THSD7B: variants seen among roughly 807,000 people sequenced by gnomAD.
The protein encoded by THSD7B is thrombospondin type 1 domain containing 7B, also known as thrombospondin type-1 domain-containing protein 7B.
THSD7B carries 138 observed loss-of-function variants against 213.6 expected under a neutral mutation model. The observed-to-expected ratio is 0.65, with a 90% CI of 0.56 to 0.74. The LOEUF (loss-of-function observed/expected upper bound fraction) is 0.74. Among genes scored for constraint, THSD7B ranks in the 30% least tolerant of loss-of-function variants. THSD7B has a pLI of 0.00. For missense variants in THSD7B, 1,931 were observed against 1,991.5 expected (o/e 0.97, Z 0.58); for synonymous variants, 742 against 687.0 (o/e 1.08, Z -1.25).
intron 1 of THSD7B, among the ~76,000 whole-genome samples, chr2:136,834,370 G>A (rs76746626): frequency 0.016 from 2,419 of 152,276 alleles, 59 homozygotes; most frequent in African/African-American, 0.055. Flanking sequence ...GCTGACAGAC[G>A]TTGCTGTAAT....
At chr2:137,074,758 G>A (rs907807985) in intron 3 of THSD7B, among the ~76,000 whole-genome samples, 3 of 152,140 alleles carry the variant, frequency 2.0e-5, no homozygotes, top group African/African-American at 4.8e-5. Context: ...GCTTCCTTCA[G>A]GAGCTCTTTT....
chr2:137,305,850 A>G (rs1251088045), intron 12 of THSD7B, among the ~76,000 whole-genome samples: 3 of 152,136 alleles, frequency 2.0e-5, no homozygotes, highest in South Asian at 2.1e-4. Context: ...ATAGCCTACT[A>G]TACACCTAAG....
intron 12 of THSD7B, among the ~76,000 whole-genome samples, chr2:137,337,854 A>G (rs1235073483): frequency 6.6e-6 from 1 of 152,028 alleles, no homozygotes; most frequent in African/African-American, 2.4e-5. Flanking sequence ...TACTATCATT[A>G]TGTTGTTGCT....
intron 2 of THSD7B, among the ~76,000 whole-genome samples, chr2:137,018,930 T>C (rs568764706): frequency 6.6e-6 from 1 of 152,286 alleles, no homozygotes; most frequent in Non-Finnish European, 1.5e-5. Context: ...TGTTTGTTTG[T>C]TTTTACTGTT....
chr2:137,542,564 A>G (rs1484707677), intron 15 of THSD7B, among the ~76,000 whole-genome samples: 1 of 151,654 alleles, frequency 6.6e-6, no homozygotes, highest in Non-Finnish European at 1.5e-5. Flanking sequence ...AGTATCGAAC[A>G]CTCTACCTAG....
chr2:137,538,451 T>C lies in THSD7B; in HGVS notation c.3139-24770T>C, dbSNP rs140960593. On this transcript the variant is annotated intron_variant, in intron 15 of 27. Coordinates refer to ENST00000409968, the MANE Select transcript of THSD7B (RefSeq NM_001316349.2). ...ATGCATATATAATTTTCTTTCCCTT[T>C]TGCTTATCATGCACTGCTAACATGG... is the stretch of plus-strand genomic sequence containing the variant. 1.2e-5 allele frequency: 6 copies of C among 506,742 alleles called. No homozygotes were observed. The East Asian group carries it at 3.4e-4, about 28-fold the overall frequency. The allele number at this position is 506,742 out of a possible 1,614,324, so 31.4% of individuals were successfully genotyped here. A position where few individuals can be genotyped will look rare whatever the true frequency, so the allele number is the denominator to read the frequency against.
rs148800840 is a variant in THSD7B at position 136,929,178 on chromosome 2, C to T, written c.139+46861C>T. On this transcript the variant is annotated intron_variant, in intron 2 of 27. Transcript: ENST00000409968. ...CCTTTATGAAATGTGTGGGATTGCC[C>T]GTTTGCTCTGTTTCTTGTAGATTAA... is the stretch of plus-strand genomic sequence containing the variant. Among the ~76,000 whole-genome samples the T allele has an allele frequency of 5.8e-4, 89 of 152,242 alleles. 1 individual carries two copies. In the East Asian group the frequency reaches 0.015, roughly 26 times the overall value.
At chr2:136,955,077 G>T (rs76758682) in intron 2 of THSD7B, among the ~76,000 whole-genome samples, 4,553 of 152,232 alleles carry the variant, frequency 0.03, 106 homozygotes, top group South Asian at 0.073. Context: ...AGACTAGATT[G>T]GAGGGTTAGG....
intron 2 of THSD7B, among the ~76,000 whole-genome samples, chr2:137,041,889 A>G (rs1241157454): frequency 6.6e-6 from 1 of 152,204 alleles, no homozygotes; most frequent in Non-Finnish European, 1.5e-5. Context: ...AGCACAAGGT[A>G]TGTTTGAAAG....
At position 137,616,184 on chromosome 2, in the gene THSD7B, C is replaced by T; in HGVS notation, c.3433C>T (p.Pro1145Ser). ...LWSKCPQSCD[P>S]HTMQRRTRHL... ...ACTCTGATTTTAATAGTCATGCGAT[C>T]CCCACACAATGCAGAGAAGAACTCG... The change falls in exon 18 of 28, where the codon CCC becomes TCC. Residue 1145 changes from proline to serine, a missense_variant. By Grantham distance (74) the Pro-to-Ser change is moderately conservative. Coordinates refer to ENST00000409968, the MANE Select transcript of THSD7B (RefSeq NM_001316349.2). The T allele has an allele frequency of 6.2e-7, 1 of 1,612,230 alleles. No individual in the cohort carries two copies. The highest frequency in any genetic ancestry group is 8.5e-7 in the Non-Finnish European group (1 of 1,179,286).
At chr2:137,467,253 C>T (rs1048300918) in intron 15 of THSD7B, among the ~76,000 whole-genome samples, 3 of 152,126 alleles carry the variant, frequency 2.0e-5, no homozygotes, top group South Asian at 2.1e-4. Context: ...CAGCAGTGAA[C>T]GATCTGAGAC....
intron 17 of THSD7B, among the ~76,000 whole-genome samples, chr2:137,615,691 A>G (rs918309327): frequency 1.3e-5 from 2 of 152,186 alleles, no homozygotes; most frequent in Non-Finnish European, 2.9e-5. Flanking sequence ...GGCAATGTTG[A>G]TTTTATAATT....
At chr2:137,107,868 A>G (rs1161166851) in intron 4 of THSD7B, among the ~76,000 whole-genome samples, 1 of 152,180 alleles carries the variant, frequency 6.6e-6, no homozygotes, top group African/African-American at 2.4e-5. Flanking sequence ...CAATAGTCCC[A>G]CTTTATCCAA....
chr2:137,141,403 A>T (rs752216467), intron 5 of THSD7B, among the ~76,000 whole-genome samples: 1 of 152,072 alleles, frequency 6.6e-6, no homozygotes, highest in Non-Finnish European at 1.5e-5. Flanking sequence ...ATAGTGATAG[A>T]GCAGCTCTGT....
At chr2:136,920,808 C>G (rs565653622) in intron 2 of THSD7B, among the ~76,000 whole-genome samples, 3 of 152,240 alleles carry the variant, frequency 2.0e-5, no homozygotes, top group Admixed American at 6.5e-5. Context: ...CTTCTTGGCA[C>G]CCAAAGTCCA....
intron 27 of THSD7B, among the ~76,000 whole-genome samples, chr2:137,668,438 G>T (rs1683491978): frequency 7.8e-6 from 1 of 129,028 alleles, no homozygotes; most frequent in Admixed American, 8.0e-5. Context: ...TTAACTGATG[G>T]TCATTTGCAA....
At position 137,546,466 on chromosome 2, in the gene THSD7B, A is replaced by ATAT. The variant is rs1680737259; in HGVS notation, c.3139-16754_3139-16752dup. On this transcript the variant is annotated intron_variant, in intron 15 of 27. Coordinates refer to ENST00000409968, the MANE Select transcript of THSD7B (RefSeq NM_001316349.2). Reference sequence around the variant, plus strand: ...ATATTATATATATATTATATATAATATATATATATATAATATATATATATA... The same window carrying ATAT: ...ATATTATATATATATTATATATAATATATTATATATATATAATATATATATATA... 1.3e-4 allele frequency among the ~76,000 whole-genome samples: 3 copies of ATAT among 22,698 alleles called. 1 individual carries two copies. The highest frequency in any genetic ancestry group is 1.1e-3 in the African/African-American group (3 of 2,736). The allele number at this position is 22,698 out of a possible 152,430, so 14.9% of individuals were successfully genotyped here. A position where few individuals can be genotyped will look rare whatever the true frequency, so the allele number is the denominator to read the frequency against.
At chr2:136,898,937 G>A (rs536779035) in intron 2 of THSD7B, among the ~76,000 whole-genome samples, 56 of 152,204 alleles carry the variant, frequency 3.7e-4, no homozygotes, top group African/African-American at 1.3e-3. Flanking sequence ...CACTGTGCCC[G>A]ACTGGGAACT....
At chr2:137,485,755 G>A (rs1688426109) in intron 15 of THSD7B, among the ~76,000 whole-genome samples, 1 of 152,106 alleles carries the variant, frequency 6.6e-6, no homozygotes, top group African/African-American at 2.4e-5. Context: ...GAAAGATCGG[G>A]TTACCCACAA....
Sources: gnomAD v4.1 joint callset for allele counts (sites outside exome capture counted in the v4.1 genomes callset) on GRCh38, gnomAD v4.1.1 for gene constraint, MANE v1.5 for transcripts, NCBI Gene and HGNC (gene_info 2026-07-23, HGNC 2026-07-21) for gene names.